FAM110B: variants seen among roughly 807,000 people sequenced by gnomAD.
FAM110B encodes family with sequence similarity 110 member B.
Under a neutral mutation model 20.4 loss-of-function variants are expected in FAM110B, and 6 were observed. That is an observed-to-expected ratio of 0.29 (90% CI 0.16 to 0.58). The LOEUF is 0.58. Among genes scored for constraint, FAM110B ranks in the 20% least tolerant of loss-of-function variants. FAM110B has a pLI of 0.90. For missense variants in FAM110B, 434 were observed against 498.2 expected, an observed-to-expected ratio of 0.87 and a Z score of 1.23; for synonymous variants, 226 against 214.1, an observed-to-expected ratio of 1.06 and a Z score of -0.49.
intron 1 of FAM110B, among the ~76,000 whole-genome samples, chr8:58,008,145 T>A (rs1003500852): frequency 2.0e-5 from 3 of 150,636 alleles, no homozygotes; most frequent in Non-Finnish European, 4.4e-5. Flanking sequence ...TTTTTTTTTT[T>A]TTTTAAAGTC....
intron 3 of FAM110B, among the ~76,000 whole-genome samples, chr8:58,137,458 G>A (rs1353960696): frequency 1.3e-5 from 2 of 152,162 alleles, no homozygotes; most frequent in African/African-American, 2.4e-5. Flanking sequence ...CTACTCAGAA[G>A]GCTGAGACAG....
At position 58,147,139 on chromosome 8, in the gene FAM110B, A is replaced by G; in HGVS notation, c.909A>G (p.Ile303Met). The change falls in exon 4 of 4, where the codon ATA becomes ATG. Residue 303 changes from isoleucine to methionine, a missense_variant. Physicochemically the swap from Ile to Met is conservative, Grantham distance 10. Transcript: ENST00000519262. The stretch of plus-strand genomic sequence containing the variant: ...ACTTTGCAAGGGCTAATTCTGACAT[A>G]ATATCCCTCAACTTCCGCAGCGCAA... The part of the protein sequence containing the change: ...MENFARANSD[I>M]ISLNFRSASM... The G allele has an allele frequency of 6.2e-7, 1 of 1,614,178 alleles. No individual in the cohort carries two copies. The highest frequency in any genetic ancestry group is 8.5e-7 in the Non-Finnish European group (1 of 1,180,042).
At chr8:58,026,955 G>GT (rs763938527) in intron 1 of FAM110B, among the ~76,000 whole-genome samples, 3 of 150,822 alleles carry the variant, frequency 2.0e-5, no homozygotes, top group Non-Finnish European at 4.4e-5. Context: ...GGATCCAACT[G>GT]TTTTTTGTTT....
At chr8:58,100,252 GA>G (rs35082607) in intron 3 of FAM110B, among the ~76,000 whole-genome samples, 38,304 of 139,280 alleles carry the variant, frequency 0.28, 6,721 homozygotes, top group African/African-American at 0.52. Flanking sequence ...TTTAGATTTT[GA>G]AAAAAAAAAA....
chr8:58,020,058 TC>T (rs1267368624), intron 1 of FAM110B, among the ~76,000 whole-genome samples: 2 of 152,154 alleles, frequency 1.3e-5, no homozygotes, highest in East Asian at 3.8e-4. Context: ...GTGTTTTTTT[TC>T]CTTCTACAAA....
chr8:58,103,259 T>C (rs1440040384), intron 3 of FAM110B, among the ~76,000 whole-genome samples: 2 of 151,994 alleles, frequency 1.3e-5, no homozygotes, highest in Non-Finnish European at 2.9e-5. Flanking sequence ...GCCATGCTGG[T>C]GTGCTGCACC....
chr8:58,047,700 A>G (rs962500153), intron 2 of FAM110B, among the ~76,000 whole-genome samples: 1 of 150,086 alleles, frequency 6.7e-6, no homozygotes, highest in African/African-American at 2.4e-5. Context: ...AAATAGGAAT[A>G]GTAATACAGG....
At chr8:58,020,503 A>C (rs1049542675) in intron 1 of FAM110B, among the ~76,000 whole-genome samples, 2 of 152,230 alleles carry the variant, frequency 1.3e-5, no homozygotes, top group Non-Finnish European at 2.9e-5. Flanking sequence ...CTGAACATTT[A>C]GTTAAGGTTG....
intron 2 of FAM110B, among the ~76,000 whole-genome samples, chr8:58,065,401 G>T (rs1330053883): frequency 6.6e-6 from 1 of 152,100 alleles, no homozygotes; most frequent in Non-Finnish European, 1.5e-5. Flanking sequence ...GGTACTTTAG[G>T]TAGTACAGAG....
chr8:58,089,544 T>C (rs914613523), intron 3 of FAM110B, among the ~76,000 whole-genome samples: 2 of 152,202 alleles, frequency 1.3e-5, no homozygotes, highest in Non-Finnish European at 2.9e-5. Flanking sequence ...TTCAGGATTA[T>C]TTGATTTGGT....
At chr8:58,033,490 A>G (rs1403948953) in intron 2 of FAM110B, among the ~76,000 whole-genome samples, 1 of 152,230 alleles carries the variant, frequency 6.6e-6, no homozygotes, top group African/African-American at 2.4e-5. Flanking sequence ...CACAGTGTCT[A>G]AACTAATTTA....
chr8:58,079,015 G>C (rs1329775535), intron 3 of FAM110B, among the ~76,000 whole-genome samples: 1 of 150,750 alleles, frequency 6.6e-6, no homozygotes, highest in African/African-American at 2.5e-5. Context: ...CCTAAAGCTG[G>C]TCCTCCAGAA....
intron 1 of FAM110B, among the ~76,000 whole-genome samples, chr8:58,014,682 G>A (rs1000850096): frequency 6.6e-6 from 1 of 152,116 alleles, no homozygotes; most frequent in Non-Finnish European, 1.5e-5. Context: ...ATACATGTAT[G>A]TTTTCCCTAA....
chr8:58,092,601 TTCAATGGTGTACATATGTCACA>T (rs977836325), intron 3 of FAM110B, among the ~76,000 whole-genome samples: 2 of 152,230 alleles, frequency 1.3e-5, no homozygotes, highest in African/African-American at 4.8e-5. Flanking sequence ...CTACATAGTA[TTCAATGGTGTACATATGTCACA>T]TTTTCTTTAT....
intron 1 of FAM110B, among the ~76,000 whole-genome samples, chr8:58,005,672 T>C (rs1804389309): frequency 6.6e-6 from 1 of 152,190 alleles, no homozygotes; most frequent in Non-Finnish European, 1.5e-5. Flanking sequence ...CTCTGTAAGG[T>C]GCACATGGAG....
At chr8:58,047,878 AT>A (rs1041899347) in intron 2 of FAM110B, among the ~76,000 whole-genome samples, 6 of 152,026 alleles carry the variant, frequency 3.9e-5, no homozygotes, top group African/African-American at 1.4e-4. Context: ...CAGTTTGAGA[AT>A]TTTGAAAAAA....
intron 1 of FAM110B, among the ~76,000 whole-genome samples, chr8:58,025,238 A>G (rs1048204782): frequency 2.5e-4 from 38 of 152,320 alleles, no homozygotes; most frequent in African/African-American, 8.9e-4. Flanking sequence ...GAAGTGGTCA[A>G]AGCTCAGGGA....
Position 58,146,412 on chromosome 8 carries a change from A to G in FAM110B, c.182A>G (p.Tyr61Cys). ...AGGCTGGAGGCCGACAAGGCCAAGTACGTCAAGAGCCAGGAGGTGATCAAC... is the reference window on the plus strand; with the variant it reads ...AGGCTGGAGGCCGACAAGGCCAAGTGCGTCAAGAGCCAGGAGGTGATCAAC... Reference protein sequence around the residue: ...VERLEADKAKYVKSQEVINAK... With the variant: ...VERLEADKAKCVKSQEVINAK... The change falls in exon 4 of 4, where the codon TAC (tyrosine) becomes TGC (cysteine). Residue 61 changes from tyrosine (Y) to cysteine (C), a missense_variant. Tyr to Cys is a radical substitution (Grantham distance 194). Coordinates refer to ENST00000519262, the MANE Select transcript of FAM110B (RefSeq NM_001377989.1). 1 of 1,614,014 alleles carries G rather than the reference A, an allele frequency of 6.2e-7. No homozygotes were observed. The highest frequency in any genetic ancestry group is 8.5e-7 in the Non-Finnish European group (1 of 1,179,950).
intron 3 of FAM110B, among the ~76,000 whole-genome samples, chr8:58,143,936 C>T (rs943271186): frequency 2.6e-5 from 4 of 152,214 alleles, no homozygotes; most frequent in African/African-American, 4.8e-5. Context: ...AAAATTCAGT[C>T]ATTCACCAAT....
Sources: gnomAD v4.1 joint callset for allele counts (sites outside exome capture counted in the v4.1 genomes callset) on GRCh38, gnomAD v4.1.1 for gene constraint, MANE v1.5 for transcripts, NCBI Gene and HGNC (gene_info 2026-07-23, HGNC 2026-07-21) for gene names.